The following HVCN1 variants were observed in gnomAD, a reference collection of about 807,000 sequenced individuals.
HVCN1 encodes hydrogen voltage gated channel 1, also known as voltage-gated hydrogen channel 1.
A neutral mutation model predicts 29.2 loss-of-function variants in HVCN1; 14 were observed. The ratio of observed to expected loss-of-function variants is 0.48; its 90% CI spans 0.32 to 0.75. HVCN1 has a LOEUF of 0.75. Ranked by LOEUF, HVCN1 falls within the 30% of genes least tolerant of loss-of-function variation. HVCN1 has a pLI of 0.04. For synonymous variants in HVCN1, 131 were observed against 133.2 expected (o/e 0.98, Z 0.11); for missense variants, 263 against 341.8 (o/e 0.77, Z 1.82).
At position 110,661,536 on chromosome 12, in the gene HVCN1, G is replaced by C; in HGVS notation, c.22-88C>G. On this transcript the variant is annotated intron_variant, in intron 3 of 7. Transcript: ENST00000242607. The surrounding 1 kb of genome is among the most constrained non-coding windows in gnomAD (Gnocchi z 6.2). ...CAGGCCGGGCCAGGCCACTGCAGGTGAAGATGGTCCCGGGTGCGTAGAACC... is the reference window on the plus strand; with the variant it reads ...CAGGCCGGGCCAGGCCACTGCAGGTCAAGATGGTCCCGGGTGCGTAGAACC... 7.6e-7 allele frequency: 1 copy of C among 1,312,664 alleles called. No individual in the cohort carries two copies. Among genetic ancestry groups the C allele is most frequent in the Non-Finnish European group, 1.1e-6 (1 of 942,836 alleles). The allele number at this position is 1,312,664 out of a possible 1,614,324, so 81.3% of individuals were successfully genotyped here.
chr12:110,704,790 C>T (rs1219012262), intron 1 of HVCN1: 3 of 152,286 alleles, frequency 2.0e-5, no homozygotes, highest in Non-Finnish European at 2.9e-5. Context: ...CAGGTATCCC[C>T]CTGGGCTGGG....
At chr12:110,656,552 T>C (rs2067997446) in intron 4 of HVCN1, among the ~76,000 whole-genome samples, 1 of 152,144 alleles carries the variant, frequency 6.6e-6, no homozygotes, top group Non-Finnish European at 1.5e-5. Context: ...TTCTCTTCCC[T>C]TGGAAATTCC....
chr12:110,703,574 A>G (rs535745307), intron 1 of HVCN1, among the ~76,000 whole-genome samples: 1 of 148,268 alleles, frequency 6.7e-6, no homozygotes, highest in South Asian at 2.4e-4. Context: ...AATGATAGGT[A>G]TGTGGGGCTT....
intron 4 of HVCN1, among the ~76,000 whole-genome samples, chr12:110,656,137 C>T (rs1335735987): frequency 6.6e-6 from 1 of 152,228 alleles, no homozygotes; most frequent in African/African-American, 2.4e-5. Context: ...CTGCTGACTG[C>T]AGGTTCCTTG....
chr12:110,682,892 G>T (rs1405369146), intron 3 of HVCN1: 2 of 289,232 alleles, frequency 6.9e-6, no homozygotes, highest in Admixed American at 5.0e-5. Flanking sequence ...GAACCCTGGG[G>T]GGCAGAAGTT....
chr12:110,701,090 G>GCATCT (rs1216971091), intron 2 of HVCN1, among the ~76,000 whole-genome samples: 1 of 152,208 alleles, frequency 6.6e-6, no homozygotes, highest in African/African-American at 2.4e-5. Context: ...AACAGAGGCC[G>GCATCT]CATCTGGTCT....
At chr12:110,692,129 G>A (rs943525969), upstream of HVCN1, among the ~76,000 whole-genome samples, 1 of 152,132 alleles carries the variant, frequency 6.6e-6, no homozygotes, top group Non-Finnish European at 1.5e-5. Flanking sequence ...ATAAATTAAT[G>A]AGTATTGAGC....
chr12:110,676,942 C>A lies in HVCN1; in HGVS notation c.21+6283G>T, dbSNP rs1399343723. On this transcript the variant is annotated intron_variant, in intron 3 of 7. Coordinates refer to ENST00000242607, the MANE Select transcript of HVCN1 (RefSeq NM_032369.4). This position sits in a 1 kb window ranked among gnomAD's most constrained non-coding sequence, Gnocchi z 4.1. Reference sequence around the variant, plus strand: ...TAAAACTTTTGGCTGGGTGCAGTCACTCACACCTGTAATCCCAGCACTTTG... The same window carrying A: ...TAAAACTTTTGGCTGGGTGCAGTCAATCACACCTGTAATCCCAGCACTTTG... Among the ~76,000 whole-genome samples the A allele has an allele frequency of 6.6e-6, 1 of 152,152 alleles. No individual in the cohort carries two copies. Among genetic ancestry groups the A allele is most frequent in the Non-Finnish European group, 1.5e-5 (1 of 68,032 alleles).
intron 1 of HVCN1, among the ~76,000 whole-genome samples, chr12:110,703,400 G>GA (rs990395225): frequency 2.7e-5 from 4 of 150,052 alleles, no homozygotes; most frequent in African/African-American, 9.8e-5. Flanking sequence ...AAAAAAAAAG[G>GA]AAAAAAAATT....
At chr12:110,703,244 G>A (rs1438562756) in intron 1 of HVCN1, among the ~76,000 whole-genome samples, 2 of 150,332 alleles carry the variant, frequency 1.3e-5, no homozygotes, top group East Asian at 3.9e-4. Context: ...AAAATTAGCT[G>A]GATGTGCTCT....
chr12:110,696,679 AT>A (rs1180733398), intron 2 of HVCN1, among the ~76,000 whole-genome samples: 1 of 152,094 alleles, frequency 6.6e-6, no homozygotes, highest in Non-Finnish European at 1.5e-5. Flanking sequence ...GAATATCATC[AT>A]ATATGGTCTT....
rs76015207 is a variant in HVCN1 at position 110,657,131 on chromosome 12, T to C, written c.307-1793A>G. ...GCAAATCCAGAGACAGAATGCAGGT[T>C]CACAGTTGCCCAGGGCTAGGGGAGG... is the stretch of plus-strand genomic sequence containing the variant. On this transcript the variant is annotated intron_variant, in intron 4 of 7. Transcript: ENST00000242607. 3.0e-3 allele frequency among the ~76,000 whole-genome samples: 459 copies of C among 152,294 alleles called. 3 individuals are homozygous for C. Among genetic ancestry groups the C allele is most frequent in the African/African-American group, 0.01 (426 of 41,566 alleles).
intron 7 of HVCN1, among the ~76,000 whole-genome samples, chr12:110,649,838 A>G (rs1165871021): frequency 6.6e-6 from 1 of 151,556 alleles, no homozygotes; most frequent in African/African-American, 2.4e-5. Flanking sequence ...GGCAGAGGCC[A>G]GCTTCCCAGA....
At position 110,661,793 on chromosome 12, in the gene HVCN1, AC is replaced by A. The variant is rs2068183542; in HGVS notation, c.22-346del. On this transcript the variant is annotated intron_variant, in intron 3 of 7. Coordinates refer to ENST00000242607, the MANE Select transcript of HVCN1 (RefSeq NM_032369.4). This position sits in a 1 kb window ranked among gnomAD's most constrained non-coding sequence, Gnocchi z 6.2. ...GGCCCCAAGGTTCAGAGACATCACA[AC>A]CTGGAAACTGGAGGGGCCAGTGGGC... 6.6e-6 allele frequency among the ~76,000 whole-genome samples: 1 copy of A among 152,058 alleles called. No homozygotes were observed. Among genetic ancestry groups the A allele is most frequent in the Non-Finnish European group, 1.5e-5 (1 of 68,020 alleles).
intron 4 of HVCN1, among the ~76,000 whole-genome samples, chr12:110,656,741 C>G (rs577792925): frequency 6.6e-6 from 1 of 152,324 alleles, no homozygotes; most frequent in African/African-American, 2.4e-5. Context: ...ATCCTTTCAA[C>G]CTGTAGGTAA....
intron 3 of HVCN1, among the ~76,000 whole-genome samples, chr12:110,667,165 G>A (rs1258693968): frequency 6.6e-6 from 1 of 152,082 alleles, no homozygotes; most frequent in Non-Finnish European, 1.5e-5. Context: ...ACAAAGTCTT[G>A]TTCTTGCTCC....
chr12:110,653,904 T>G (rs1258833342), intron 5 of HVCN1, among the ~76,000 whole-genome samples: 4 of 152,166 alleles, frequency 2.6e-5, no homozygotes, highest in African/African-American at 9.7e-5. Context: ...ATTGATCTTA[T>G]TTTAGATCTG....
chr12:110,695,260 A>C (rs1381543828), intron 2 of HVCN1, among the ~76,000 whole-genome samples: 2 of 148,630 alleles, frequency 1.3e-5, no homozygotes, highest in African/African-American at 5.1e-5. Flanking sequence ...ATATATGTAT[A>C]TACACACACA....
intron 5 of HVCN1, among the ~76,000 whole-genome samples, chr12:110,654,387 C>T (rs1025705391): frequency 4.6e-5 from 7 of 151,532 alleles, no homozygotes; most frequent in Non-Finnish European, 8.8e-5. Context: ...CTGCCGTTTT[C>T]ACCACTTGCA....
Sources: gnomAD v4.1 joint callset for allele counts (sites outside exome capture counted in the v4.1 genomes callset) on GRCh38, gnomAD v4.1.1 for gene constraint, Gnocchi (gnomAD v3.1) non-coding constraint, MANE v1.5 for transcripts, NCBI Gene and HGNC (gene_info 2026-07-23, HGNC 2026-07-21) for gene names.